Variants in GABRG2 observed in about 807,000 individuals in gnomAD.
GABRG2 encodes the protein gamma-aminobutyric acid type A receptor subunit gamma2.
In GABRG2, 16 loss-of-function variants were observed where a neutral mutation model predicts 56.4. The ratio of observed to expected loss-of-function variants is 0.28; its 90% CI spans 0.19 to 0.43. The LOEUF is 0.43. Ranked by LOEUF, GABRG2 falls within the 20% of genes least tolerant of loss-of-function variation. The probability of loss-of-function intolerance (pLI) is 1.00; values close to 1 mark genes in which losing one functional copy is unlikely to be tolerated. For synonymous variants in GABRG2, 208 were observed against 205.5 expected, an observed-to-expected ratio of 1.01 and a Z score of -0.10; for missense variants, 327 against 582.7, an observed-to-expected ratio of 0.56 and a Z score of 4.52.
chr5:162,139,045 T>A (rs1189054383), intron 6 of GABRG2, among the ~76,000 whole-genome samples: 1 of 151,870 alleles, frequency 6.6e-6, no homozygotes, highest in African/African-American at 2.4e-5. Context: ...AGTCTTTTCC[T>A]AAAAGTAGAC....
At chr5:162,151,655 CTCTT>C (rs1765379802) in intron 8 of GABRG2, 71 bp from the exon 9 acceptor site, 4 of 1,256,386 alleles carry the variant, frequency 3.2e-6, no homozygotes, top group East Asian at 2.3e-5. Flanking sequence ...TCTTGTCTCT[CTCTT>C]TTTTTTTCAT....
At position 162,151,864 on chromosome 5, in the gene GABRG2, A is replaced by C. The variant is rs865805417; in HGVS notation, c.1152+111A>C. ...TGAGTAGACATTTAAGCATTCTACT[A>C]GAGATAATATGTTGGAGAAAGTTCT... On this transcript the variant is annotated intron_variant, in intron 9 of 9. Transcript: ENST00000639213. The C allele has an allele frequency of 3.5e-5, 33 of 937,100 alleles. No individual in the cohort carries two copies. In the Middle Eastern group the frequency reaches 6.0e-3, roughly 170 times the overall value. The allele number at this position is 937,100 out of a possible 1,614,324, so 58.0% of individuals were successfully genotyped here. A position where few individuals can be genotyped will look rare whatever the true frequency, so the allele number is the denominator to read the frequency against.
intron 1 of GABRG2, among the ~76,000 whole-genome samples, chr5:162,072,076 CG>C (rs1721644210): frequency 2.0e-5 from 3 of 151,882 alleles, no homozygotes; most frequent in Non-Finnish European, 4.4e-5. Context: ...GTCTCTTTCA[CG>C]TCCTAGATTC....
At chr5:162,137,865 C>T (rs1764250887) in intron 6 of GABRG2, among the ~76,000 whole-genome samples, 1 of 152,086 alleles carries the variant, frequency 6.6e-6, no homozygotes, top group African/African-American at 2.4e-5. Context: ...GATCCTCCCA[C>T]CTCAGTCCCT....
intron 1 of GABRG2, among the ~76,000 whole-genome samples, chr5:162,076,323 C>T (rs757072143): frequency 2.0e-4 from 31 of 152,056 alleles, no homozygotes; most frequent in Non-Finnish European, 3.1e-4. Flanking sequence ...ACCAGAGGCA[C>T]AAGTACGCTC....
chr5:162,068,983 C>A (rs1339191748), intron 1 of GABRG2, among the ~76,000 whole-genome samples: 1 of 152,022 alleles, frequency 6.6e-6, no homozygotes, highest in African/African-American at 2.4e-5. Context: ...GAATGTGATG[C>A]CATAATCGTG....
chr5:162,069,772 G>A (rs963475983), intron 1 of GABRG2, among the ~76,000 whole-genome samples: 4 of 152,118 alleles, frequency 2.6e-5, no homozygotes, highest in Non-Finnish European at 5.9e-5. Context: ...CCTGAAAAAA[G>A]TAATTTTTTG....
chr5:162,126,920 C>T (rs1006627232), intron 6 of GABRG2, among the ~76,000 whole-genome samples: 4 of 151,932 alleles, frequency 2.6e-5, no homozygotes, highest in Admixed American at 6.6e-5. Context: ...AGCAGATGAT[C>T]AACAAACTCT....
chr5:162,132,433 G>C (rs1760092402), intron 6 of GABRG2, among the ~76,000 whole-genome samples: 1 of 151,926 alleles, frequency 6.6e-6, no homozygotes, highest in Non-Finnish European at 1.5e-5. Context: ...CATTTTCTCT[G>C]TGAAATGCAG....
At chr5:162,118,222 T>C (rs1220038573) in intron 6 of GABRG2, among the ~76,000 whole-genome samples, 1 of 151,834 alleles carries the variant, frequency 6.6e-6, no homozygotes, top group Non-Finnish European at 1.5e-5. Flanking sequence ...TGTGTGTGTG[T>C]GTGTGTGTGT....
At chr5:162,111,250 T>G (rs1448361737) in intron 6 of GABRG2, among the ~76,000 whole-genome samples, 1 of 152,192 alleles carries the variant, frequency 6.6e-6, no homozygotes, top group African/African-American at 2.4e-5. Context: ...TATTTTGTTC[T>G]TAGTGATATG....
At chr5:162,075,450 T>G (rs977127994) in intron 1 of GABRG2, among the ~76,000 whole-genome samples, 14 of 152,156 alleles carry the variant, frequency 9.2e-5, no homozygotes, top group African/African-American at 3.4e-4. Context: ...GCCCTAGTAC[T>G]TACTTATAGC....
chr5:162,117,761 A>G (rs1762717522), intron 6 of GABRG2, among the ~76,000 whole-genome samples: 1 of 152,152 alleles, frequency 6.6e-6, no homozygotes, highest in Non-Finnish European at 1.5e-5. Flanking sequence ...AGTACAAAAC[A>G]GAATTGCCAT....
At chr5:162,139,172 AT>A (rs1302882471) in intron 6 of GABRG2, among the ~76,000 whole-genome samples, 2 of 152,244 alleles carry the variant, frequency 1.3e-5, no homozygotes, top group African/African-American at 4.8e-5. Flanking sequence ...CAAAGCAGGA[AT>A]TAAACTCATA....
intron 1 of GABRG2, among the ~76,000 whole-genome samples, chr5:162,068,425 G>A (rs1368133460): frequency 6.6e-6 from 1 of 151,922 alleles, no homozygotes; most frequent in African/African-American, 2.4e-5. Flanking sequence ...GGGCTGTGCT[G>A]ATACACGCCG....
chr5:162,115,243 T>C (rs1310672750), intron 6 of GABRG2, among the ~76,000 whole-genome samples: 1 of 152,088 alleles, frequency 6.6e-6, no homozygotes, highest in Non-Finnish European at 1.5e-5. Context: ...TCAAAACAAA[T>C]AAAAATCAGA....
chr5:162,139,982 C>A (rs1352493553), intron 6 of GABRG2, among the ~76,000 whole-genome samples: 1 of 152,080 alleles, frequency 6.6e-6, no homozygotes, highest in Admixed American at 6.5e-5. Context: ...CAAATTAAAT[C>A]TTTTTACTCT....
At chr5:162,129,466 A>G (rs1763566956) in intron 6 of GABRG2, among the ~76,000 whole-genome samples, 1 of 152,000 alleles carries the variant, frequency 6.6e-6, no homozygotes, top group Non-Finnish European at 1.5e-5. Flanking sequence ...GAGTTACGTG[A>G]AAACATTTAA....
chr5:162,092,727 G>C (rs1312532919), intron 1 of GABRG2, among the ~76,000 whole-genome samples: 1 of 152,060 alleles, frequency 6.6e-6, no homozygotes, highest in East Asian at 1.9e-4. Flanking sequence ...TGGCAATTAT[G>C]TCATAGCTGA....
Sources: gnomAD v4.1 joint callset for allele counts (sites outside exome capture counted in the v4.1 genomes callset) on GRCh38, gnomAD v4.1.1 for gene constraint, MANE v1.5 for transcripts, NCBI Gene and HGNC (gene_info 2026-07-23, HGNC 2026-07-21) for gene names.